Variants in TANGO6 observed in about 807,000 individuals in gnomAD.
TANGO6 encodes the protein transport and Golgi organization protein 6 homolog.
TANGO6 carries 90 observed loss-of-function variants against 114.2 expected under a neutral mutation model. The ratio of observed to expected loss-of-function variants is 0.79; its 90% confidence interval spans 0.66 to 0.94. The LOEUF (loss-of-function observed/expected upper bound fraction) is 0.94, where lower values mean the gene tolerates loss of function less well. TANGO6 is among the 40% of genes least tolerant of loss of function. The pLI is 0.00. For missense variants in TANGO6, 1,274 were observed against 1,315.3 expected, an observed-to-expected ratio of 0.97 and a Z score of 0.49; for synonymous variants, 477 against 509.8, an observed-to-expected ratio of 0.94 and a Z score of 0.87.
At chr16:69,008,103 T>A (rs556385445) in intron 15 of TANGO6, among the ~76,000 whole-genome samples, 177 of 151,978 alleles carry the variant, frequency 1.2e-3, no homozygotes, top group Middle Eastern at 0.01. Context: ...TCACTTTTTT[T>A]AAAAAAAAGA....
intron 16 of TANGO6, among the ~76,000 whole-genome samples, chr16:69,027,927 C>T (rs1385949264): frequency 2.0e-5 from 3 of 151,786 alleles, no homozygotes; most frequent in Non-Finnish European, 4.4e-5. Flanking sequence ...ATTACAGGCG[C>T]CTGCCACCAC....
intron 15 of TANGO6, among the ~76,000 whole-genome samples, chr16:69,008,358 G>A (rs996496627): frequency 7.2e-5 from 11 of 152,106 alleles, no homozygotes; most frequent in African/African-American, 2.7e-4. Context: ...TCATATGTAA[G>A]AAGGCTTTGT....
intron 14 of TANGO6, among the ~76,000 whole-genome samples, chr16:68,957,508 G>A (rs898134710): frequency 6.7e-6 from 1 of 150,174 alleles, no homozygotes; most frequent in African/African-American, 2.5e-5. Context: ...AGCAGTTCTC[G>A]TGCCTCGGCC....
At chr16:68,909,147 T>C (rs966074286) in intron 10 of TANGO6, 64 bp from the exon 11 acceptor site, 3 of 1,265,820 alleles carry the variant, frequency 2.4e-6, no homozygotes, top group African/African-American at 1.5e-5. Flanking sequence ...TTTCTGCTTA[T>C]GTTTGAGAAG....
chr16:69,076,936 G>A (rs1960389126), intron 17 of TANGO6, among the ~76,000 whole-genome samples: 1 of 152,140 alleles, frequency 6.6e-6, no homozygotes, highest in African/African-American at 2.4e-5. Context: ...GGCGGAGGTT[G>A]TAGTAAGCCA....
chr16:68,843,835 C>CT, intron 1 of TANGO6, 124 bp downstream of exon 1: 1 of 888,348 alleles, frequency 1.1e-6, no homozygotes, highest in East Asian at 2.5e-5. Context: ...CCGCCCGCTG[C>CT]TGGGGGCTTT....
chr16:68,918,614 A>G (rs904778744), intron 11 of TANGO6, among the ~76,000 whole-genome samples: 1 of 152,276 alleles, frequency 6.6e-6, no homozygotes, highest in Non-Finnish European at 1.5e-5. Context: ...TTGGAAAAGT[A>G]TGAATAGGCT....
At chr16:68,847,339 CT>C (rs1159621451) in intron 1 of TANGO6, among the ~76,000 whole-genome samples, 36 of 152,240 alleles carry the variant, frequency 2.4e-4, no homozygotes, top group African/African-American at 8.2e-4. Context: ...CTGAGAGGGT[CT>C]TGGGAACCCC....
At chr16:69,066,972 G>A (rs1960221938) in intron 17 of TANGO6, among the ~76,000 whole-genome samples, 2 of 152,046 alleles carry the variant, frequency 1.3e-5, no homozygotes, top group African/African-American at 4.8e-5. Flanking sequence ...TCACGGCTCA[G>A]TATAGCCTCA....
intron 7 of TANGO6, among the ~76,000 whole-genome samples, chr16:68,893,905 G>A (rs2152177769): frequency 6.6e-6 from 1 of 152,058 alleles, no homozygotes; most frequent in South Asian, 2.1e-4. Flanking sequence ...CTAAACATAA[G>A]CACAGTCCAA....
At chr16:68,926,043 T>C (rs1963162947) in intron 12 of TANGO6, among the ~76,000 whole-genome samples, 2 of 151,246 alleles carry the variant, frequency 1.3e-5, no homozygotes, top group Admixed American at 1.3e-4. Flanking sequence ...GGCTGGTTTT[T>C]TTTTTTAGAA....
chr16:68,990,214 C>T (rs1403962747), intron 15 of TANGO6, among the ~76,000 whole-genome samples: 1 of 151,840 alleles, frequency 6.6e-6, no homozygotes, highest in Admixed American at 6.6e-5. Context: ...TCTGTTCTCC[C>T]GCTGCTAATA....
At chr16:69,041,133 T>C (rs1959766717) in intron 17 of TANGO6, among the ~76,000 whole-genome samples, 1 of 152,000 alleles carries the variant, frequency 6.6e-6, no homozygotes, top group Non-Finnish European at 1.5e-5. Context: ...TAACCAAGTG[T>C]CAGTGAAGCC....
chr16:68,997,132 C>T (rs1963999082), intron 15 of TANGO6, among the ~76,000 whole-genome samples: 1 of 152,164 alleles, frequency 6.6e-6, no homozygotes, highest in Non-Finnish European at 1.5e-5. Flanking sequence ...GACCAAATGG[C>T]CCACTGTGTT....
intron 16 of TANGO6, among the ~76,000 whole-genome samples, chr16:69,027,312 C>T (rs1959518771): frequency 6.6e-6 from 1 of 152,172 alleles, no homozygotes; most frequent in South Asian, 2.1e-4. Context: ...AAGGGCTACT[C>T]TTTTCATTAA....
chr16:69,000,358 C>G (rs912836190), intron 15 of TANGO6, among the ~76,000 whole-genome samples: 5 of 152,082 alleles, frequency 3.3e-5, no homozygotes, highest in South Asian at 2.1e-4. Context: ...ATTTTGGGAA[C>G]TTGTCAAATA....
chr16:68,943,740 C>T (rs1331813539), intron 14 of TANGO6, among the ~76,000 whole-genome samples: 1 of 152,058 alleles, frequency 6.6e-6, no homozygotes, highest in South Asian at 2.1e-4. Context: ...ATAAGAATCT[C>T]CTCATTCCTT....
In TANGO6 at chr16:69,030,073, A is replaced by C. The variant is rs540917906; in HGVS notation, c.2994+7094A>C. 2.5e-3 allele frequency among the ~76,000 whole-genome samples: 348 copies of C among 141,890 alleles called. 4 individuals carry two copies. In the Middle Eastern group the frequency reaches 0.063, roughly 26 times the overall value. The allele number at this position is 141,890 out of a possible 152,430, so 93.1% of individuals were successfully genotyped here. ...CAGTGAGCCAAGATCATGCCACCGC[A>C]CCCCAGCCTGGGCGACAGAGCGAGA... On this transcript the variant is annotated intron_variant, in intron 16 of 17. Transcript: ENST00000261778.
At chr16:68,888,570 A>G (rs112738221) in intron 7 of TANGO6, among the ~76,000 whole-genome samples, 3,216 of 152,302 alleles carry the variant, frequency 0.021, 83 homozygotes, top group African/African-American at 0.059. Context: ...TATTTCCTCC[A>G]TTCTCATTTC....
Sources: gnomAD v4.1 joint callset for allele counts (sites outside exome capture counted in the v4.1 genomes callset) on GRCh38, gnomAD v4.1.1 for gene constraint, MANE v1.5 for transcripts, NCBI Gene and HGNC (gene_info 2026-07-23, HGNC 2026-07-21) for gene names.